SCAMP5: variants seen among roughly 807,000 people sequenced by gnomAD.
The protein encoded by SCAMP5 is secretory carrier-associated membrane protein 5.
Under a neutral mutation model 28.3 loss-of-function variants are expected in SCAMP5, and 7 were observed. The ratio of observed to expected loss-of-function variants is 0.25; its 90% CI spans 0.14 to 0.46. SCAMP5 has a LOEUF of 0.46. Among genes scored for constraint, SCAMP5 ranks in the 20% least tolerant of loss-of-function variants. The pLI is 0.99. For missense variants in SCAMP5, 192 were observed against 312.5 expected, an observed-to-expected ratio of 0.61 and a Z score of 2.91; for synonymous variants, 117 against 116.4, an observed-to-expected ratio of 1.00 and a Z score of -0.03.
At chr15:75,001,848 C>CAACAG (rs1390351275) in intron 1 of SCAMP5, among the ~76,000 whole-genome samples, 6 of 113,970 alleles carry the variant, frequency 5.3e-5, no homozygotes, top group Admixed American at 1.4e-4. Context: ...CCAGCCTGGG[C>CAACAG]AACAGGGCAA....
Position 75,018,111 on chromosome 15 carries a change from G to A in SCAMP5, c.395+140G>A, listed in dbSNP as rs550638164. On this transcript the variant is annotated intron_variant, in intron 5 of 6. Transcript: ENST00000425597. This position sits in a 1 kb window ranked among gnomAD's most constrained non-coding sequence, Gnocchi z 5.6. The stretch of plus-strand genomic sequence containing the variant: ...GGAGAGTGAGAGGATTCGGGATAGT[G>A]TAGTAGTACAACCATAGCATCAGAG... 1.2e-5 allele frequency: 8 copies of A among 641,310 alleles called. No homozygotes were observed. Among genetic ancestry groups the A allele is most frequent in the South Asian group, 3.6e-5 (2 of 54,798 alleles). The allele number at this position is 641,310 out of a possible 1,614,324, so 39.7% of individuals were successfully genotyped here.
At position 75,018,470 on chromosome 15, in the gene SCAMP5, G is replaced by A; in HGVS notation, c.448G>A (p.Val150Met). The A allele has an allele frequency of 6.2e-7, 1 of 1,613,870 alleles. No individual in the cohort carries two copies. Among genetic ancestry groups the A allele is most frequent in the Non-Finnish European group, 8.5e-7 (1 of 1,179,808 alleles). ...CGGAACGAACATTGGCTCGGCGGTG[G>A]TGATGCTAATTCCCACTGTCATGTT... Reference protein sequence around the residue: ...FFGTNIGSAVVMLIPTVMFTV... With the variant: ...FFGTNIGSAVMMLIPTVMFTV... The change falls in exon 6 of 7, where the codon GTG (valine) becomes ATG (methionine). Residue 150 changes from valine to methionine, a missense_variant. Physicochemically the swap from Val to Met is conservative, Grantham distance 21. Coordinates refer to ENST00000425597, the MANE Select transcript of SCAMP5 (RefSeq NM_138967.4). This position sits in a 1 kb window ranked among gnomAD's most constrained non-coding sequence, Gnocchi z 5.6.
At chr15:74,999,610 C>G (rs997406031) in intron 1 of SCAMP5, among the ~76,000 whole-genome samples, 1 of 151,616 alleles carries the variant, frequency 6.6e-6, no homozygotes, top group Non-Finnish European at 1.5e-5. Flanking sequence ...AAAACAAAAA[C>G]AAAAACAAAC....
In SCAMP5 at chr15:75,003,733, C is replaced by A. The variant is rs562264651; in HGVS notation, c.-48-8059C>A. ...GCTGAGGTGGGAGGATTGCTTGAGC[C>A]CAGGAGTTCGAGGCTGCAGTGAGCT... On this transcript the variant is annotated intron_variant, in intron 1 of 6. Coordinates refer to ENST00000425597, the MANE Select transcript of SCAMP5 (RefSeq NM_138967.4). Among the ~76,000 whole-genome samples the A allele has an allele frequency of 5.9e-5, 9 of 152,134 alleles. No homozygotes were observed. The East Asian group carries it at 1.7e-3, about 29-fold the overall frequency.
chr15:75,003,536 C>T (rs1308113127), intron 1 of SCAMP5, among the ~76,000 whole-genome samples: 1 of 152,136 alleles, frequency 6.6e-6, no homozygotes, highest in Non-Finnish European at 1.5e-5. Context: ...GGGCTGGGCA[C>T]AGTGACCTCA....
At chr15:74,998,422 A>G (rs1036626745) in intron 1 of SCAMP5, among the ~76,000 whole-genome samples, 6 of 152,120 alleles carry the variant, frequency 3.9e-5, no homozygotes, top group African/African-American at 1.4e-4. Flanking sequence ...CCTGGCCAAC[A>G]TGGTGAAACC....
At position 74,996,484 on chromosome 15, in the gene SCAMP5, A is replaced by G. The variant is rs1303467343; in HGVS notation, c.-49+811A>G. Among the ~76,000 whole-genome samples the G allele has an allele frequency of 2.0e-5, 3 of 152,200 alleles. No individual in the cohort carries two copies. The highest frequency in any genetic ancestry group is 1.9e-4 in the East Asian group (1 of 5,194). On this transcript the variant is annotated intron_variant, in intron 1 of 6. Transcript: ENST00000425597. This position sits in a 1 kb window ranked among gnomAD's most constrained non-coding sequence, Gnocchi z 4.1. Reference sequence around the variant, plus strand: ...GGGGAGATCAGTGAGGGCCTGGCAGACTTTCCCAGGGACACAGAGAGAAAG... The same window carrying G: ...GGGGAGATCAGTGAGGGCCTGGCAGGCTTTCCCAGGGACACAGAGAGAAAG...
At chr15:75,000,905 C>A (rs1319716774) in intron 1 of SCAMP5, among the ~76,000 whole-genome samples, 1 of 151,994 alleles carries the variant, frequency 6.6e-6, no homozygotes, top group African/African-American at 2.4e-5. Context: ...TATTGCTCTT[C>A]TGACTTTCAC....
At chr15:75,005,859 G>A (rs2065752379) in intron 1 of SCAMP5, among the ~76,000 whole-genome samples, 1 of 151,616 alleles carries the variant, frequency 6.6e-6, no homozygotes, top group African/African-American at 2.4e-5. Context: ...CGAGTAGTTG[G>A]GACTACAAGC....
chr15:75,019,148 C>G lies in SCAMP5; in HGVS notation c.*165C>G, dbSNP rs1038026035. 7.8e-5 allele frequency: 33 copies of G among 425,736 alleles called. 1 individual carries two copies. The highest frequency in any genetic ancestry group is 6.4e-4 in the African/African-American group (31 of 48,410). 26.4% of individuals were successfully genotyped at this position (425,736 alleles called of 1,614,324 possible). ...ATATATATATATGTATATGTCTGTA[C>G]CCCAGCCCCCACCTTTCAGATTCTG... On this transcript the variant is annotated 3_prime_UTR_variant, in exon 7 of 7. Coordinates refer to ENST00000425597, the MANE Select transcript of SCAMP5 (RefSeq NM_138967.4).
rs2065889351 is a variant in SCAMP5, at chr15:75,019,638, C to T, written c.*655C>T. ...TGCCCATGGTCTGTCTATCTCTTTC[C>T]TATGTGGCTTTTCTTTGTCTTCCCC... is the stretch of plus-strand genomic sequence containing the variant. On this transcript the variant is annotated 3_prime_UTR_variant, in exon 7 of 7. Coordinates refer to ENST00000425597, the MANE Select transcript of SCAMP5 (RefSeq NM_138967.4). The T allele has an allele frequency of 6.5e-6, 1 of 152,818 alleles. No individual in the cohort carries two copies. The highest frequency in any genetic ancestry group is 6.6e-5 in the Admixed American group (1 of 15,266). 9.5% of individuals were successfully genotyped at this position (152,818 alleles called of 1,614,324 possible).
chr15:75,015,621 T>C (rs1431507289), intron 3 of SCAMP5, among the ~76,000 whole-genome samples: 1 of 152,066 alleles, frequency 6.6e-6, no homozygotes, highest in African/African-American at 2.4e-5. Context: ...CTGGCATGAG[T>C]GTTATCTAAG....
At chr15:75,006,945 A>G (rs2065766620) in intron 1 of SCAMP5, among the ~76,000 whole-genome samples, 1 of 152,030 alleles carries the variant, frequency 6.6e-6, no homozygotes, top group African/African-American at 2.4e-5. Flanking sequence ...CTGTCTCAAG[A>G]AAAAAAAGAG....
chr15:75,012,237 C>T (rs1017047563), intron 2 of SCAMP5, among the ~76,000 whole-genome samples: 6 of 152,134 alleles, frequency 3.9e-5, no homozygotes, highest in African/African-American at 7.2e-5. Context: ...CTTTAGGGAC[C>T]GTGTAGCCCA....
rs3812943 is a variant in SCAMP5 at position 75,020,374 on chromosome 15, C to G, written c.*1391C>G. ...GTTCTGGGCACTTGAACTCAGGGCC[C>G]AAGCAGAAGCACAGGCCCAGTCCTG... On this transcript the variant is annotated 3_prime_UTR_variant, in exon 7 of 7. Coordinates refer to ENST00000425597, the MANE Select transcript of SCAMP5 (RefSeq NM_138967.4). The G allele has an allele frequency of 0.087, 13,236 of 152,458 alleles. 1,259 individuals carry two copies. Among genetic ancestry groups the G allele is most frequent in the South Asian group, 0.43 (2,072 of 4,810 alleles). The allele number at this position is 152,458 out of a possible 1,614,324, so 9.4% of individuals were successfully genotyped here.
In SCAMP5 at chr15:75,012,451, G is replaced by T. The variant is rs574194439; in HGVS notation, c.8-226G>T. Among the ~76,000 whole-genome samples, 205 of 152,330 alleles carry T rather than the reference G, an allele frequency of 1.3e-3. 1 individual carries two copies. The highest frequency in any genetic ancestry group is 6.8e-3 in the Middle Eastern group (2 of 294). ...AATTAAAAAATAATAAATGCTGTCTGTCAAGGTGACATTGTTTTTTATTCT... is the reference window on the plus strand; with the variant it reads ...AATTAAAAAATAATAAATGCTGTCTTTCAAGGTGACATTGTTTTTTATTCT... On this transcript the variant is annotated intron_variant, in intron 2 of 6. Coordinates refer to ENST00000425597, the MANE Select transcript of SCAMP5 (RefSeq NM_138967.4).
At chr15:74,997,533 G>A (rs1458318181) in intron 1 of SCAMP5, among the ~76,000 whole-genome samples, 5 of 152,212 alleles carry the variant, frequency 3.3e-5, no homozygotes, top group East Asian at 1.9e-4. Flanking sequence ...TGTATGCAGC[G>A]GGATGCAGAG....
rs1202635049 is a variant in SCAMP5 at position 75,018,662 on chromosome 15, G to A, written c.513+127G>A. ...GGACTCACTCTGGAATGGCCTGCAGGACTCTCCTACAGAGGCATTCATGGG... is the reference window on the plus strand; with the variant it reads ...GGACTCACTCTGGAATGGCCTGCAGAACTCTCCTACAGAGGCATTCATGGG... On this transcript the variant is annotated intron_variant, in intron 6 of 6. Transcript: ENST00000425597. This position sits in a 1 kb window ranked among gnomAD's most constrained non-coding sequence, Gnocchi z 5.6. 3 of 1,022,286 alleles carry A rather than the reference G, an allele frequency of 2.9e-6. No individual in the cohort carries two copies. The highest frequency in any genetic ancestry group is 4.6e-6 in the Non-Finnish European group (3 of 645,762). The allele number at this position is 1,022,286 out of a possible 1,614,324, so 63.3% of individuals were successfully genotyped here.
At chr15:75,011,422 CA>C (rs2141445622) in intron 1 of SCAMP5, among the ~76,000 whole-genome samples, 1 of 152,220 alleles carries the variant, frequency 6.6e-6, no homozygotes, top group African/African-American at 2.4e-5. Flanking sequence ...TGAACAAAGG[CA>C]AAAGGAGCAA....
Sources: allele counts gnomAD v4.1 joint callset (sites outside exome capture counted in the v4.1 genomes callset), GRCh38; gene constraint gnomAD v4.1.1; non-coding constraint Gnocchi (gnomAD v3.1); transcripts MANE v1.5; gene names NCBI Gene and HGNC (gene_info 2026-07-23, HGNC 2026-07-21).